CFAP61: variants seen among roughly 807,000 people sequenced by gnomAD.
CFAP61 encodes the protein cilia and flagella associated protein 61.
A neutral mutation model predicts 135.6 loss-of-function variants in CFAP61; 107 were observed. That is an observed-to-expected ratio of 0.79 (90% confidence interval 0.67 to 0.93). The LOEUF (loss-of-function observed/expected upper bound fraction) is 0.93, where lower values mean the gene tolerates loss of function less well. Among genes scored for constraint, CFAP61 ranks in the 40% least tolerant of loss-of-function variants. The pLI is 0.00. For missense variants in CFAP61, 1,507 were observed against 1,556.2 expected, an observed-to-expected ratio of 0.97 and a Z score of 0.53; for synonymous variants, 575 against 578.5, an observed-to-expected ratio of 0.99 and a Z score of 0.09.
intron 25 of CFAP61, among the ~76,000 whole-genome samples, chr20:20,331,802 T>C (rs777240338): frequency 6.6e-6 from 1 of 152,086 alleles, no homozygotes; most frequent in Non-Finnish European, 1.5e-5. Flanking sequence ...TGGGCATGAT[T>C]GTGAGTGAGG....
Position 20,360,256 on chromosome 20 carries a change from A to G in CFAP61, c.3560A>G (p.Asp1187Gly), listed in dbSNP as rs1569339095. ...GAGCAGTTAGCCCATCAAATAGAAG[A>G]TGAGGAAATCAACCCGACTGAGAAG... Reference protein sequence around the residue: ...SIEQLAHQIEDEEINPTEKPR... With the variant: ...SIEQLAHQIEGEEINPTEKPR... The change falls in exon 27 of 27, where the codon GAT becomes GGT. Residue 1187 changes from aspartate (D) to glycine (G), a missense_variant. Transcript: ENST00000245957. 3 of 1,613,990 alleles carry G rather than the reference A, an allele frequency of 1.9e-6. No individual in the cohort carries two copies. Among genetic ancestry groups the G allele is most frequent in the South Asian group, 2.2e-5 (2 of 91,088 alleles).
At chr20:20,230,550 G>A (rs904799541) in intron 18 of CFAP61, among the ~76,000 whole-genome samples, 2 of 151,880 alleles carry the variant, frequency 1.3e-5, no homozygotes, top group Non-Finnish European at 2.9e-5. Context: ...AGTCTTTTTT[G>A]GTTTGTTTTT....
chr20:20,123,565 G>A (rs2049835524), intron 8 of CFAP61, among the ~76,000 whole-genome samples: 1 of 151,542 alleles, frequency 6.6e-6, no homozygotes, highest in Non-Finnish European at 1.5e-5. Context: ...CTGTATTTGG[G>A]TTTATTTCTG....
chr20:20,296,010 CCTCCTTTCCTTCCTTCTTTCT>C (rs1569258274), intron 24 of CFAP61, among the ~76,000 whole-genome samples: 2 of 88,436 alleles, frequency 2.3e-5, no homozygotes. Flanking sequence ...TCCTTCCTTC[CCTCCTTTCCTTCCTTCTTTCT>C]TTTCTTCCTC....
chr20:20,087,993 A>G (rs1375568503), intron 6 of CFAP61, among the ~76,000 whole-genome samples: 2 of 152,156 alleles, frequency 1.3e-5, no homozygotes, highest in Non-Finnish European at 2.9e-5. Context: ...TAGATGGACA[A>G]GTGGTCAAGG....
chr20:20,116,932 A>G (rs1319429948), intron 8 of CFAP61, among the ~76,000 whole-genome samples: 1 of 152,218 alleles, frequency 6.6e-6, no homozygotes, highest in Admixed American at 6.5e-5. Context: ...ATGGTGAATA[A>G]TATTTTTAAT....
At chr20:20,356,401 G>T (rs78025985) in intron 26 of CFAP61, among the ~76,000 whole-genome samples, 1 of 151,388 alleles carries the variant, frequency 6.6e-6, no homozygotes, top group African/African-American at 2.4e-5. Context: ...TGTGAGGGGA[G>T]GTGGTCACAC....
At position 20,257,439 on chromosome 20, in the gene CFAP61, A is replaced by AC. The variant is rs1233278283; in HGVS notation, c.2329-5513dup. ...AGACCAGCCTGACCAACATGGTGAAACCCCATCTCTACTAAAAATACAAAA... is the reference window on the plus strand; with the variant it reads ...AGACCAGCCTGACCAACATGGTGAAACCCCCATCTCTACTAAAAATACAAAA... On this transcript the variant is annotated intron_variant, in intron 20 of 26. Coordinates refer to ENST00000245957, the MANE Select transcript of CFAP61 (RefSeq NM_015585.4). Among the ~76,000 whole-genome samples, 23 of 152,160 alleles carry AC rather than the reference A, an allele frequency of 1.5e-4. 1 individual carries two copies. The highest frequency in any genetic ancestry group is 3.4e-3 in the Middle Eastern group (1 of 294).
At chr20:20,075,165 C>A in intron 4 of CFAP61, 24 bp from the exon 5 acceptor site, 2 of 1,610,056 alleles carry the variant, frequency 1.2e-6, no homozygotes, top group Non-Finnish European at 1.7e-6. Flanking sequence ...AGTAACACTG[C>A]CCCACCCTCT....
intron 19 of CFAP61, among the ~76,000 whole-genome samples, chr20:20,246,953 C>T (rs140332485): frequency 1.3e-3 from 202 of 152,254 alleles, no homozygotes; most frequent in African/African-American, 4.7e-3. Flanking sequence ...AGAACGGGTT[C>T]GTTTCCACTT....
chr20:20,328,751 CAT>C (rs2057859291), intron 25 of CFAP61, among the ~76,000 whole-genome samples: 1 of 152,142 alleles, frequency 6.6e-6, no homozygotes, highest in African/African-American at 2.4e-5. Context: ...TCAAAGAAGA[CAT>C]ATAGACGGCT....
At chr20:20,170,257 A>C (rs749083667) in intron 13 of CFAP61, among the ~76,000 whole-genome samples, 3 of 152,228 alleles carry the variant, frequency 2.0e-5, no homozygotes, top group Non-Finnish European at 4.4e-5. Flanking sequence ...AAAACATGAA[A>C]GAAAAAGATT....
intron 6 of CFAP61, among the ~76,000 whole-genome samples, chr20:20,083,889 AT>A (rs1480656147): frequency 6.6e-6 from 1 of 152,200 alleles, no homozygotes; most frequent in Admixed American, 6.5e-5. Flanking sequence ...AAATCATGAC[AT>A]TTTCCAAGGA....
intron 21 of CFAP61, among the ~76,000 whole-genome samples, chr20:20,269,184 CACACATATAT>C (rs1569219581): frequency 5.0e-4 from 42 of 84,222 alleles, no homozygotes; most frequent in Admixed American, 7.4e-4. Context: ...TGTATATACA[CACACATATAT>C]ACATATATGT....
intron 13 of CFAP61, among the ~76,000 whole-genome samples, chr20:20,179,558 G>A (rs546791977): frequency 2.6e-5 from 4 of 152,246 alleles, no homozygotes; most frequent in African/African-American, 9.6e-5. Flanking sequence ...ACCCGAGAAA[G>A]AGCCAGAATA....
At chr20:20,075,782 A>G (rs955814124) in intron 6 of CFAP61, among the ~76,000 whole-genome samples, 167 bp downstream of exon 6, 1 of 152,166 alleles carries the variant, frequency 6.6e-6, no homozygotes, top group African/African-American at 2.4e-5. Flanking sequence ...CCTTAATGAC[A>G]TTATTTGCAG....
chr20:20,265,694 A>G (rs1289434242), intron 21 of CFAP61: 14 of 553,038 alleles, frequency 2.5e-5, no homozygotes, highest in Admixed American at 1.9e-4. Flanking sequence ...CTTAACACTG[A>G]AATGCTAGGA....
At chr20:20,237,738 G>A (rs2049707425) in intron 18 of CFAP61, among the ~76,000 whole-genome samples, 1 of 152,136 alleles carries the variant, frequency 6.6e-6, no homozygotes, top group Admixed American at 6.5e-5. Flanking sequence ...TCTTAAAATT[G>A]TTCTTTTACA....
rs1193361032 is a variant in CFAP61, at chr20:20,078,300, G to C, written c.566+2685G>C. Among the ~76,000 whole-genome samples, 7 of 152,296 alleles carry C rather than the reference G, an allele frequency of 4.6e-5. No homozygotes were observed. The East Asian group carries it at 1.4e-3, about 29-fold the overall frequency. On this transcript the variant is annotated intron_variant, in intron 6 of 26. Transcript: ENST00000245957. ...GAGGAGGAGTCCATTCCATTGGTTTGGGGGAGCTTAGAATTTTATTTTTGG... is the reference window on the plus strand; with the variant it reads ...GAGGAGGAGTCCATTCCATTGGTTTCGGGGAGCTTAGAATTTTATTTTTGG...
Sources: gnomAD v4.1 joint callset for allele counts (sites outside exome capture counted in the v4.1 genomes callset) on GRCh38, gnomAD v4.1.1 for gene constraint, MANE v1.5 for transcripts, NCBI Gene and HGNC (gene_info 2026-07-23, HGNC 2026-07-21) for gene names.